ZBTB20: variants seen among roughly 807,000 people sequenced by gnomAD.
ZBTB20 encodes zinc finger and BTB domain containing 20, also known as zinc finger and BTB domain-containing protein 20.
Under a neutral mutation model 56.9 loss-of-function variants are expected in ZBTB20, and 9 were observed. That is an observed-to-expected ratio of 0.16 (90% confidence interval 0.10 to 0.28). ZBTB20 has a LOEUF of 0.28. Among genes scored for constraint, ZBTB20 ranks in the 10% least tolerant of loss-of-function variants. The pLI is 1.00. For missense variants in ZBTB20, 655 were observed against 1,003.0 expected (o/e 0.65, Z 4.69); for synonymous variants, 417 against 420.7 (o/e 0.99, Z 0.11).
intron 6 of ZBTB20, among the ~76,000 whole-genome samples, chr3:114,563,400 C>T (rs192110941): frequency 1.9e-3 from 288 of 152,158 alleles, no homozygotes; most frequent in African/African-American, 6.4e-3. Context: ...TATTAATCTT[C>T]GGTAAAAATT....
intron 7 of ZBTB20, among the ~76,000 whole-genome samples, chr3:114,479,531 G>T (rs917890679): frequency 6.6e-6 from 1 of 152,150 alleles, no homozygotes; most frequent in African/African-American, 2.4e-5. Context: ...AGAAGTATGG[G>T]CTCTAAATGA....
At chr3:115,020,832 T>C (rs568554170) in intron 2 of ZBTB20, among the ~76,000 whole-genome samples, 1 of 151,080 alleles carries the variant, frequency 6.6e-6, no homozygotes, top group Non-Finnish European at 1.5e-5. Context: ...TTTTGTTGGA[T>C]TGACTCTACA....
chr3:114,772,787 C>A (rs1476247476), intron 5 of ZBTB20, among the ~76,000 whole-genome samples: 1 of 152,038 alleles, frequency 6.6e-6, no homozygotes, highest in African/African-American at 2.4e-5. Context: ...CCAAAATGCC[C>A]ACTGCCTAAA....
At chr3:114,753,591 C>G (rs946383635) in intron 5 of ZBTB20, among the ~76,000 whole-genome samples, 4 of 151,618 alleles carry the variant, frequency 2.6e-5, no homozygotes, top group African/African-American at 4.8e-5. Flanking sequence ...TGTGCTACCA[C>G]GCCCAGCTAA....
chr3:114,817,205 AC>A lies in ZBTB20; in HGVS notation c.-416-16032del, dbSNP rs1477149670. 2.0e-5 allele frequency among the ~76,000 whole-genome samples: 3 copies of A among 151,686 alleles called. No individual in the cohort carries two copies. The East Asian group carries it at 5.8e-4, about 29-fold the overall frequency. The stretch of plus-strand genomic sequence containing the variant: ...TTATACAACTTATACACACACACAC[AC>A]ACACACACACACACACACACACACA... On this transcript the variant is annotated intron_variant, in intron 4 of 11. Coordinates refer to ENST00000675478, the MANE Select transcript of ZBTB20 (RefSeq NM_001348800.3).
intron 7 of ZBTB20, among the ~76,000 whole-genome samples, chr3:114,405,772 G>A (rs1344478702): frequency 6.6e-6 from 1 of 151,994 alleles, no homozygotes; most frequent in Non-Finnish European, 1.5e-5. Flanking sequence ...TTTGATACAT[G>A]GCTAACTGCA....
intron 1 of ZBTB20, among the ~76,000 whole-genome samples, chr3:115,113,523 T>G (rs372176282): frequency 2.3e-4 from 35 of 152,340 alleles, no homozygotes; most frequent in African/African-American, 7.9e-4. Context: ...AGCACAGAAG[T>G]CTTGGTATCT....
In ZBTB20 at chr3:114,613,928, A is replaced by G. The variant is rs562970026; in HGVS notation, c.-295+79600T>C. On this transcript the variant is annotated intron_variant, in intron 6 of 11. Coordinates refer to ENST00000675478, the MANE Select transcript of ZBTB20 (RefSeq NM_001348800.3). ...CTAGGTATTGGTTTAAATATTTTAC[A>G]TTTATTAGATTACTTACTCCCCACA... 1.2e-4 allele frequency among the ~76,000 whole-genome samples: 19 copies of G among 152,276 alleles called. 1 individual carries two copies. In the South Asian group the frequency reaches 3.9e-3, roughly 32 times the overall value.
intron 1 of ZBTB20, among the ~76,000 whole-genome samples, chr3:115,115,925 T>A (rs2084005549): frequency 6.6e-6 from 1 of 152,046 alleles, no homozygotes; most frequent in Non-Finnish European, 1.5e-5. Flanking sequence ...TCAAATAGAC[T>A]TCTTGATTAT....
chr3:114,999,923 AAGTC>A (rs1477530456), intron 2 of ZBTB20, among the ~76,000 whole-genome samples: 5 of 151,718 alleles, frequency 3.3e-5, no homozygotes, highest in African/African-American at 1.2e-4. Flanking sequence ...AAAATGGAAA[AAGTC>A]AGCATCAACT....
intron 3 of ZBTB20, chr3:114,931,171 G>T: frequency 5.1e-6 from 1 of 197,884 alleles, no homozygotes; most frequent in East Asian, 1.2e-4. Flanking sequence ...CTGGGGTGCA[G>T]GAGCACAAGG....
chr3:115,131,371 C>A (rs372459248), intron 1 of ZBTB20, among the ~76,000 whole-genome samples: 20 of 152,242 alleles, frequency 1.3e-4, no homozygotes, highest in East Asian at 9.6e-4. Context: ...ATTATACACA[C>A]TTTTCTATAC....
intron 2 of ZBTB20, among the ~76,000 whole-genome samples, chr3:115,035,040 TA>T (rs2080857104): frequency 6.6e-6 from 1 of 152,020 alleles, no homozygotes; most frequent in Non-Finnish European, 1.5e-5. Context: ...AATCCTTACC[TA>T]ACACCATATA....
chr3:114,616,923 A>C (rs2057982874), intron 6 of ZBTB20, among the ~76,000 whole-genome samples: 1 of 152,214 alleles, frequency 6.6e-6, no homozygotes, highest in African/African-American at 2.4e-5. Flanking sequence ...AAAGGTTATT[A>C]AATTGTGTCA....
rs181471558 is a variant in ZBTB20, at chr3:114,846,592, G to T, written c.-416-45418C>A. ...TAGTTCTTTTGGATGAAACCTTTGA[G>T]AACTCAATGACAAGAGGATATGGAT... On this transcript the variant is annotated intron_variant, in intron 4 of 11. Coordinates refer to ENST00000675478, the MANE Select transcript of ZBTB20 (RefSeq NM_001348800.3). 3.5e-3 allele frequency among the ~76,000 whole-genome samples: 535 copies of T among 152,278 alleles called. 1 individual carries two copies. Among genetic ancestry groups the T allele is most frequent in the South Asian group, 0.015 (74 of 4,820 alleles).
intron 2 of ZBTB20, among the ~76,000 whole-genome samples, chr3:114,986,593 T>C (rs1420492651): frequency 6.6e-6 from 1 of 152,134 alleles, no homozygotes; most frequent in Non-Finnish European, 1.5e-5. Flanking sequence ...ACATCTATTA[T>C]AACAATTCTT....
At chr3:114,815,754 C>G (rs1004588400) in intron 4 of ZBTB20, among the ~76,000 whole-genome samples, 1 of 151,844 alleles carries the variant, frequency 6.6e-6, no homozygotes, top group South Asian at 2.1e-4. Context: ...CACACACGAC[C>G]GGCTACTACA....
intron 4 of ZBTB20, among the ~76,000 whole-genome samples, chr3:114,886,143 C>T (rs1314707453): frequency 1.3e-5 from 2 of 152,196 alleles, no homozygotes; most frequent in African/African-American, 4.8e-5. Flanking sequence ...AGATTTCCTG[C>T]AGTTTGAGAA....
At chr3:114,500,890 A>G (rs2043869239) in intron 6 of ZBTB20, among the ~76,000 whole-genome samples, 1 of 152,250 alleles carries the variant, frequency 6.6e-6, no homozygotes, top group East Asian at 1.9e-4. Flanking sequence ...CTATTATTGT[A>G]GAAACTTCTA....
Sources: gnomAD v4.1 joint callset for allele counts (sites outside exome capture counted in the v4.1 genomes callset) on GRCh38, gnomAD v4.1.1 for gene constraint, MANE v1.5 for transcripts, NCBI Gene and HGNC (gene_info 2026-07-23, HGNC 2026-07-21) for gene names.